Variants in C1QL3 observed in about 807,000 individuals in gnomAD.
C1QL3 encodes the protein complement C1q like 3.
In C1QL3, 4 loss-of-function variants were observed where a neutral mutation model predicts 16.6. The ratio of observed to expected loss-of-function variants is 0.24; its 90% CI spans 0.12 to 0.55. The LOEUF is 0.55. Ranked by LOEUF, C1QL3 falls within the 20% of genes least tolerant of loss-of-function variation. The pLI is 0.94. For synonymous variants in C1QL3, 189 were observed against 160.2 expected (o/e 1.18, Z -1.36); for missense variants, 269 against 365.6 (o/e 0.74, Z 2.16).
Position 16,520,445 on chromosome 10 carries a change from T to TCCCCCCCCACC in C1QL3, c.588+32_588+33insGGTGGGGGGGG. The TCCCCCCCCACC allele has an allele frequency of 3.8e-6, 2 of 527,492 alleles. No homozygotes were observed. Among genetic ancestry groups the TCCCCCCCCACC allele is most frequent in the East Asian group, 5.6e-5 (1 of 17,916 alleles). 32.7% of individuals were successfully genotyped at this position (527,492 alleles called of 1,614,324 possible). A position where few individuals can be genotyped will look rare whatever the true frequency, so the allele number is the denominator to read the frequency against. ...CTCGCCCGCACCTTCCCGCGCTCCCTCCCCGCCCTCCCCGCCGCCCGCCCG... is the reference window on the plus strand; with the variant it reads ...CTCGCCCGCACCTTCCCGCGCTCCCTCCCCCCCCACCCCCCGCCCTCCCCGCCGCCCGCCCG... On this transcript the variant is annotated intron_variant, in intron 1 of 1. Transcript: ENST00000298943. The surrounding 1 kb of genome is among the most constrained non-coding windows in gnomAD (Gnocchi z 8.3).
chr10:16,516,549 C>G (rs113939450), intron 1 of C1QL3, among the ~76,000 whole-genome samples: 1,808 of 152,112 alleles, frequency 0.012, 31 homozygotes, highest in African/African-American at 0.041. Context: ...TTACTAATAA[C>G]CAGACATATT....
intron 1 of C1QL3, among the ~76,000 whole-genome samples, chr10:16,518,656 C>A (rs1374731061): frequency 1.3e-5 from 2 of 152,108 alleles, no homozygotes; most frequent in Non-Finnish European, 2.9e-5. Context: ...TTTTTTCATG[C>A]AATTGCAATT....
At position 16,520,833 on chromosome 10, in the gene C1QL3, G is replaced by T; in HGVS notation, c.233C>A (p.Pro78His). 7.2e-7 allele frequency: 1 copy of T among 1,387,002 alleles called. No homozygotes were observed. Among genetic ancestry groups the T allele is most frequent in the South Asian group, 1.6e-5 (1 of 61,952 alleles). 85.9% of individuals were successfully genotyped at this position (1,387,002 alleles called of 1,614,324 possible). A position where few individuals can be genotyped will look rare whatever the true frequency, so the allele number is the denominator to read the frequency against. Residue 78 changes from proline (P) to histidine (H), a missense_variant, in exon 1 of 2, where the codon CCC becomes CAC. Transcript: ENST00000298943. The surrounding 1 kb of genome is among the most constrained non-coding windows in gnomAD (Gnocchi z 8.3). Reference protein sequence around the residue: ...RPGKAGPRGPPGEPGPPGPMG... With the variant: ...RPGKAGPRGPHGEPGPPGPMG... ...GGGGCCGGGTGGCCCGGGCTCTCCG[G>T]GGGGCCCGCGCGGACCCGCCTTCCC... is the stretch of plus-strand genomic sequence containing the variant.
chr10:16,520,317 C>T lies in C1QL3; in HGVS notation c.588+161G>A, dbSNP rs1837020396. Among the ~76,000 whole-genome samples, 1 of 152,040 alleles carries T rather than the reference C, an allele frequency of 6.6e-6. No individual in the cohort carries two copies. The highest frequency in any genetic ancestry group is 2.4e-5 in the African/African-American group (1 of 41,410). ...CCTCCTGCGCGCACGACCCCCGCCT[C>T]TCCAGGGTGGGACGGCGTCCCCCCT... is the stretch of plus-strand genomic sequence containing the variant. On this transcript the variant is annotated intron_variant, in intron 1 of 1. Coordinates refer to ENST00000298943, the MANE Select transcript of C1QL3 (RefSeq NM_001010908.2). The surrounding 1 kb of genome is among the most constrained non-coding windows in gnomAD (Gnocchi z 8.3).
chr10:16,514,796 G>A (rs1836923156), intron 1 of C1QL3, 89 bp from the exon 2 acceptor site: 1 of 937,712 alleles, frequency 1.1e-6, no homozygotes, highest in African/African-American at 1.7e-5. Context: ...AAGCTGACTT[G>A]CTGCCATAGT....
chr10:16,520,441 T>TCCCGCCCCCC lies in C1QL3; in HGVS notation c.588+36_588+37insGGGGGGCGGG. On this transcript the variant is annotated intron_variant, in intron 1 of 1. Transcript: ENST00000298943. This position sits in a 1 kb window ranked among gnomAD's most constrained non-coding sequence, Gnocchi z 8.3. ...CCCTCTCGCCCGCACCTTCCCGCGCTCCCTCCCCGCCCTCCCCGCCGCCCG... is the reference window on the plus strand; with the variant it reads ...CCCTCTCGCCCGCACCTTCCCGCGCTCCCGCCCCCCCCCTCCCCGCCCTCCCCGCCGCCCG... 8.1e-7 allele frequency: 1 copy of TCCCGCCCCCC among 1,227,532 alleles called. No individual in the cohort carries two copies. Among genetic ancestry groups the TCCCGCCCCCC allele is most frequent in the Non-Finnish European group, 1.1e-6 (1 of 881,044 alleles). The allele number at this position is 1,227,532 out of a possible 1,614,324, so 76.0% of individuals were successfully genotyped here. A position where few individuals can be genotyped will look rare whatever the true frequency, so the allele number is the denominator to read the frequency against.
chr10:16,520,445 T>TCCCC lies in C1QL3; in HGVS notation c.588+29_588+32dup. The TCCCC allele has an allele frequency of 9.5e-6, 5 of 527,494 alleles. No homozygotes were observed. The highest frequency in any genetic ancestry group is 2.1e-5 in the African/African-American group (1 of 47,256). The allele number at this position is 527,494 out of a possible 1,614,324, so 32.7% of individuals were successfully genotyped here. A position where few individuals can be genotyped will look rare whatever the true frequency, so the allele number is the denominator to read the frequency against. ...CTCGCCCGCACCTTCCCGCGCTCCC[T>TCCCC]CCCCGCCCTCCCCGCCGCCCGCCCG... On this transcript the variant is annotated intron_variant, in intron 1 of 1. Coordinates refer to ENST00000298943, the MANE Select transcript of C1QL3 (RefSeq NM_001010908.2). This position sits in a 1 kb window ranked among gnomAD's most constrained non-coding sequence, Gnocchi z 8.3.
intron 1 of C1QL3, among the ~76,000 whole-genome samples, chr10:16,519,806 A>C (rs1215560212): frequency 6.6e-6 from 1 of 152,250 alleles, no homozygotes; most frequent in East Asian, 1.9e-4. Context: ...CCGAATCTCA[A>C]CTATTCTTTT....
At position 16,520,838 on chromosome 10, in the gene C1QL3, C is replaced by T; in HGVS notation, c.228G>A (p.Gly76=). 2 of 1,395,356 alleles carry T rather than the reference C, an allele frequency of 1.4e-6. No individual in the cohort carries two copies. The highest frequency in any genetic ancestry group is 1.9e-6 in the Non-Finnish European group (2 of 1,078,274). The allele number at this position is 1,395,356 out of a possible 1,614,324, so 86.4% of individuals were successfully genotyped here. Residue 76 remains glycine, a synonymous_variant, in exon 1 of 2, where the codon GGG becomes GGA. Coordinates refer to ENST00000298943, the MANE Select transcript of C1QL3 (RefSeq NM_001010908.2). The surrounding 1 kb of genome is among the most constrained non-coding windows in gnomAD (Gnocchi z 8.3). ...CGGGTGGCCCGGGCTCTCCGGGGGGCCCGCGCGGACCCGCCTTCCCGGGCC... is the reference window on the plus strand; with the variant it reads ...CGGGTGGCCCGGGCTCTCCGGGGGGTCCGCGCGGACCCGCCTTCCCGGGCC... ...AGRPGKAGPR[G]PPGEPGPPGP... is the part of the protein sequence containing the mutation.
chr10:16,520,883 GC>G lies in C1QL3; in HGVS notation c.182del (p.Gly61AlafsTer50). On this transcript the variant is annotated frameshift_variant, in exon 1 of 2. Coordinates refer to ENST00000298943, the MANE Select transcript of C1QL3 (RefSeq NM_001010908.2). LOFTEE classifies it high-confidence loss of function. The surrounding 1 kb of genome is among the most constrained non-coding windows in gnomAD (Gnocchi z 8.3). ...CGGGCCTGCCGGCCTCGCCTTTGGG[GC>G]CCTGGATGAAGGTGGGCAGGGACTG... is the stretch of plus-strand genomic sequence containing the variant. The part of the protein sequence containing the change: ...LMQSLPTFIQ[G>X]PKGEAGRPGK... The G allele has an allele frequency of 6.6e-7, 1 of 1,513,274 alleles. No individual in the cohort carries two copies. The allele number at this position is 1,513,274 out of a possible 1,614,324, so 93.7% of individuals were successfully genotyped here.
rs181918794 is a variant in C1QL3, at chr10:16,513,758, C to T, written c.*770G>A. ...CTTTCCCAGTGAATCTAAATGTATTCAGTTGACAAAATGGACACATAAGGG... is the reference window on the plus strand; with the variant it reads ...CTTTCCCAGTGAATCTAAATGTATTTAGTTGACAAAATGGACACATAAGGG... On this transcript the variant is annotated 3_prime_UTR_variant, in exon 2 of 2. Transcript: ENST00000298943. 2.0e-5 allele frequency: 3 copies of T among 152,620 alleles called. No individual in the cohort carries two copies. The East Asian group carries it at 5.8e-4, about 29-fold the overall frequency. 9.5% of individuals were successfully genotyped at this position (152,620 alleles called of 1,614,324 possible). A position where few individuals can be genotyped will look rare whatever the true frequency, so the allele number is the denominator to read the frequency against.
At chr10:16,515,359 T>A (rs1001263749) in intron 1 of C1QL3, among the ~76,000 whole-genome samples, 1 of 152,160 alleles carries the variant, frequency 6.6e-6, no homozygotes, top group Non-Finnish European at 1.5e-5. Flanking sequence ...GTTTTCAGAG[T>A]TCTTTTTTCC....
intron 1 of C1QL3, among the ~76,000 whole-genome samples, chr10:16,516,110 T>A (rs1194989738): frequency 6.6e-6 from 1 of 152,178 alleles, no homozygotes; most frequent in African/African-American, 2.4e-5. Flanking sequence ...CTTTAAAGTG[T>A]CTTTCTGGGT....
At chr10:16,518,683 T>C (rs1224009854) in intron 1 of C1QL3, among the ~76,000 whole-genome samples, 1 of 152,226 alleles carries the variant, frequency 6.6e-6, no homozygotes, top group Non-Finnish European at 1.5e-5. Flanking sequence ...TATTTAAAGA[T>C]GTGAGCATTT....
At position 16,521,017 on chromosome 10, in the gene C1QL3, C is replaced by G. The variant is rs1165687639; in HGVS notation, c.49G>C (p.Gly17Arg). The G allele has an allele frequency of 6.3e-7, 1 of 1,599,920 alleles. No homozygotes were observed. The highest frequency in any genetic ancestry group is 2.2e-5 in the East Asian group (1 of 44,604). ...AGCATCTCGTAGTGCGCCGACGTGC[C>G]GGCCGAGCTCACCAGCACCGGGATG... is the stretch of plus-strand genomic sequence containing the variant. Reference protein sequence around the residue: ...ILIPVLVSSAGTSAHYEMLGT... With the variant: ...ILIPVLVSSARTSAHYEMLGT... Residue 17 changes from glycine to arginine, a missense_variant, in exon 1 of 2, where the codon GGC becomes CGC. Coordinates refer to ENST00000298943, the MANE Select transcript of C1QL3 (RefSeq NM_001010908.2).
chr10:16,521,488 C>T lies in C1QL3; in HGVS notation c.-423G>A, dbSNP rs888177523. 1.2e-5 allele frequency: 2 copies of T among 160,530 alleles called. No individual in the cohort carries two copies. Among genetic ancestry groups the T allele is most frequent in the African/African-American group, 4.8e-5 (2 of 41,780 alleles). 9.9% of individuals were successfully genotyped at this position (160,530 alleles called of 1,614,324 possible). A position where few individuals can be genotyped will look rare whatever the true frequency, so the allele number is the denominator to read the frequency against. ...CGGGCAGCTCACACTTTTATGCCGC[C>T]GCCGCCTGCGATCGACTTTTCCGTT... On this transcript the variant is annotated 5_prime_UTR_variant, in exon 1 of 2. Coordinates refer to ENST00000298943, the MANE Select transcript of C1QL3 (RefSeq NM_001010908.2).
At chr10:16,519,139 A>ATTTTTTTTTTT (rs1385047282) in intron 1 of C1QL3, among the ~76,000 whole-genome samples, 30 of 26,080 alleles carry the variant, frequency 1.2e-3, no homozygotes, top group African/African-American at 3.2e-3. Flanking sequence ...CGCATTTAGG[A>ATTTTTTTTTTT]CTTTTTTTTT....
chr10:16,515,617 T>G (rs985377344), intron 1 of C1QL3, among the ~76,000 whole-genome samples: 1 of 152,200 alleles, frequency 6.6e-6, no homozygotes, highest in South Asian at 2.1e-4. Flanking sequence ...AGTGAGTTGA[T>G]AGACATTTAC....
rs1213304752 is a variant in C1QL3 at position 16,520,147 on chromosome 10, C to T, written c.588+331G>A. On this transcript the variant is annotated intron_variant, in intron 1 of 1. Transcript: ENST00000298943. The surrounding 1 kb of genome is among the most constrained non-coding windows in gnomAD (Gnocchi z 8.3). Reference sequence around the variant, plus strand: ...CGGAGGATCCCACGGCCAGGGGTCGCTTCCCGCGCCGGGACTCCCCAGCGC... The same window carrying T: ...CGGAGGATCCCACGGCCAGGGGTCGTTTCCCGCGCCGGGACTCCCCAGCGC... Among the ~76,000 whole-genome samples, 1 of 152,202 alleles carries T rather than the reference C, an allele frequency of 6.6e-6. No homozygotes were observed. Among genetic ancestry groups the T allele is most frequent in the African/African-American group, 2.4e-5 (1 of 41,470 alleles).
Sources: gnomAD v4.1 joint callset for allele counts (sites outside exome capture counted in the v4.1 genomes callset) on GRCh38, gnomAD v4.1.1 for gene constraint, Gnocchi (gnomAD v3.1) non-coding constraint, MANE v1.5 for transcripts, NCBI Gene and HGNC (gene_info 2026-07-23, HGNC 2026-07-21) for gene names.